The following POSTN variants were observed in gnomAD, a reference collection of about 807,000 sequenced individuals.
POSTN encodes the protein osteoblast specific factor 2 (fasciclin I-like).
A neutral mutation model predicts 104.5 loss-of-function variants in POSTN; 71 were observed. The ratio of observed to expected loss-of-function variants is 0.68; its 90% CI spans 0.56 to 0.83. The LOEUF is 0.83. Ranked by LOEUF, POSTN falls within the 40% of genes least tolerant of loss-of-function variation. The pLI is 0.00. For missense variants in POSTN, 949 were observed against 1,006.8 expected (o/e 0.94, Z 0.78); for synonymous variants, 355 against 340.7 (o/e 1.04, Z -0.46).
intron 10 of POSTN, among the ~76,000 whole-genome samples, 191 bp from the exon 11 acceptor site, chr13:37,580,888 G>A (rs1398830778): frequency 1.3e-5 from 2 of 152,044 alleles, no homozygotes; most frequent in African/African-American, 4.8e-5. Flanking sequence ...TTATCTAGCC[G>A]GGTTTTTTAT....
At chr13:37,564,181 C>CATATATATATATATATAT (rs71093693) in intron 22 of POSTN, among the ~76,000 whole-genome samples, 1 of 49,870 alleles carries the variant, frequency 2.0e-5, no homozygotes, top group East Asian at 1.8e-3. Context: ...CAAAACATTA[C>CATATATATATATATATAT]ATATATATAT....
At position 37,597,164 on chromosome 13, in the gene POSTN, G is replaced by GAA. The variant is rs746637237; in HGVS notation, c.218+18_218+19dup. The GAA allele has an allele frequency of 2.8e-5, 36 of 1,281,088 alleles. No homozygotes were observed. Among genetic ancestry groups the GAA allele is most frequent in the South Asian group, 1.4e-4 (9 of 66,112 alleles). 79.4% of individuals were successfully genotyped at this position (1,281,088 alleles called of 1,614,324 possible). A position where few individuals can be genotyped will look rare whatever the true frequency, so the allele number is the denominator to read the frequency against. ...GTTGTTTTTGGAACTGACATATTAT[G>GAA]AAAAAAAAAAGAGACTTACGTTTTC... On this transcript the variant is annotated intron_variant, in intron 2 of 22. Transcript: ENST00000379747.
chr13:37,580,433 A>T, intron 11 of POSTN, 128 bp downstream of exon 11: 1 of 1,052,700 alleles, frequency 9.5e-7, no homozygotes, highest in Non-Finnish European at 1.4e-6. Context: ...AAACACTTGT[A>T]TGAACATTTT....
At chr13:37,591,509 G>T (rs1950933922) in intron 3 of POSTN, among the ~76,000 whole-genome samples, 1 of 152,080 alleles carries the variant, frequency 6.6e-6, no homozygotes, top group African/African-American at 2.4e-5. Context: ...ACTTTCTGTG[G>T]GTTGGTGTTA....
In POSTN at chr13:37,570,586, T is replaced by C; in HGVS notation, c.2263A>G (p.Ile755Val). Residue 755 changes from isoleucine to valine, a missense_variant, in exon 19 of 23, where the codon ATT (isoleucine) becomes GTT (valine). By Grantham distance (29) the Ile-to-Val change is conservative. Coordinates refer to ENST00000379747, the MANE Select transcript of POSTN (RefSeq NM_006475.3). ...GTATGGAATTAATGGCTACCTGTAA[T>C]GATTCGTTCTTCTCGTGTCTCTTTT... ...TEKETREERI[I>V]TGPEIKYTRI... 1.3e-6 allele frequency: 2 copies of C among 1,591,252 alleles called. No homozygotes were observed. Among genetic ancestry groups the C allele is most frequent in the Non-Finnish European group, 1.7e-6 (2 of 1,159,878 alleles).
intron 1 of POSTN, 81 bp downstream of exon 1, chr13:37,598,527 T>C: frequency 7.6e-7 from 1 of 1,308,936 alleles, no homozygotes; most frequent in South Asian, 1.5e-5. Context: ...GAGGCATATA[T>C]GAGAAACTTT....
At chr13:37,568,498 C>T (rs1000082205) in intron 21 of POSTN, among the ~76,000 whole-genome samples, 1 of 151,750 alleles carries the variant, frequency 6.6e-6, no homozygotes, top group African/African-American at 2.4e-5. Flanking sequence ...TTTCAAAGTG[C>T]CTATTTGGTT....
chr13:37,596,154 A>C (rs1244909397), intron 2 of POSTN, among the ~76,000 whole-genome samples: 1 of 152,100 alleles, frequency 6.6e-6, no homozygotes, highest in East Asian at 1.9e-4. Context: ...GTTTCTAATA[A>C]ATTATTCCAC....
intron 7 of POSTN, among the ~76,000 whole-genome samples, chr13:37,585,790 A>G (rs1485548224): frequency 6.6e-6 from 1 of 152,220 alleles, no homozygotes; most frequent in African/African-American, 2.4e-5. Flanking sequence ...TCACAACTCA[A>G]TATCTTTTGG....
intron 19 of POSTN, among the ~76,000 whole-genome samples, chr13:37,570,103 C>A (rs1342981045): frequency 6.6e-6 from 1 of 151,806 alleles, no homozygotes; most frequent in Non-Finnish European, 1.5e-5. Flanking sequence ...GGATTTTCGG[C>A]GAATTTTAGG....
chr13:37,565,942 C>T (rs1466857860), intron 21 of POSTN, among the ~76,000 whole-genome samples: 2 of 152,086 alleles, frequency 1.3e-5, no homozygotes, highest in Non-Finnish European at 2.9e-5. Flanking sequence ...TATTAAATTC[C>T]AAATAGCAGT....
In POSTN at chr13:37,592,166, T is replaced by G. The variant is rs2138377808; in HGVS notation, c.219-2A>C. On this transcript the variant is annotated splice_acceptor_variant, in intron 2 of 22. Coordinates refer to ENST00000379747, the MANE Select transcript of POSTN (RefSeq NM_006475.3). LOFTEE classifies it high-confidence loss of function. ...GGGCAACATTCATATAACACAGTCC[T>G]GTACATAGGAAGAAAATTAATATTA... is the stretch of plus-strand genomic sequence containing the variant. 1 of 1,537,802 alleles carries G rather than the reference T, an allele frequency of 6.5e-7. No homozygotes were observed. Among genetic ancestry groups the G allele is most frequent in the South Asian group, 1.2e-5 (1 of 83,396 alleles).
intron 8 of POSTN, 121 bp downstream of exon 8, chr13:37,584,595 G>A: frequency 1.3e-6 from 1 of 796,658 alleles, no homozygotes. Flanking sequence ...TTGTGTTAGT[G>A]CTTTGCATGC....
chr13:37,578,306 C>T (rs1338980490), intron 15 of POSTN, among the ~76,000 whole-genome samples: 2 of 152,122 alleles, frequency 1.3e-5, no homozygotes, highest in Non-Finnish European at 2.9e-5. Context: ...TTACACAATA[C>T]TTGGTCCTGA....
At chr13:37,598,548 G>T in intron 1 of POSTN, 60 bp downstream of exon 1, 1 of 1,509,312 alleles carries the variant, frequency 6.6e-7, no homozygotes, top group South Asian at 1.2e-5. Context: ...ATGCATACTT[G>T]AACATCTAAC....
In POSTN at chr13:37,563,223, T is replaced by C. The variant is rs867100910; in HGVS notation, c.*110A>G. On this transcript the variant is annotated 3_prime_UTR_variant, in exon 23 of 23. Transcript: ENST00000379747. ...GTGTTCAGAATTATTTGATGATTGC[T>C]TCTTTGTGCTGATGTTTCAGTTCCT... The C allele has an allele frequency of 3.4e-6, 2 of 581,540 alleles. No individual in the cohort carries two copies. The highest frequency in any genetic ancestry group is 3.0e-6 in the Non-Finnish European group (1 of 333,718). 36.0% of individuals were successfully genotyped at this position (581,540 alleles called of 1,614,324 possible).
chr13:37,566,485 G>T (rs984086600), intron 21 of POSTN, among the ~76,000 whole-genome samples: 3 of 152,092 alleles, frequency 2.0e-5, no homozygotes, highest in African/African-American at 7.2e-5. Context: ...ATTGTTCTAA[G>T]AGCTTGTCAT....
At chr13:37,564,226 A>ATG (rs1950023235) in intron 22 of POSTN, among the ~76,000 whole-genome samples, 4 of 127,028 alleles carry the variant, frequency 3.1e-5, no homozygotes, top group South Asian at 2.5e-4. Context: ...ATATATATAT[A>ATG]TATGTATGGA....
In POSTN at chr13:37,584,074, G is replaced by A; in HGVS notation, c.1138C>T (p.Gln380Ter). Residue 380 changes from glutamine (Q) to a stop codon, truncating the protein, a stop_gained, in exon 9 of 23, where the codon CAG (glutamine) becomes TAG (stop). Transcript: ENST00000379747. LOFTEE classifies it high-confidence loss of function. ...ACAAGATCCGTGAAGGTGGTTTGCT[G>A]TTTTCCAGCCAGCTCAATAACTTGT... ...AKQVIELAGK[Q>*]QTTFTDLVAQ... is the part of the protein sequence containing the mutation. The A allele has an allele frequency of 1.2e-6, 2 of 1,613,796 alleles. No homozygotes were observed. The highest frequency in any genetic ancestry group is 1.1e-5 in the South Asian group (1 of 91,036).
Sources: allele counts gnomAD v4.1 joint callset (sites outside exome capture counted in the v4.1 genomes callset), GRCh38; gene constraint gnomAD v4.1.1; transcripts MANE v1.5; gene names NCBI Gene and HGNC (gene_info 2026-07-23, HGNC 2026-07-21).